Variants in GPR26 observed in about 807,000 individuals in gnomAD.
The protein encoded by GPR26 is G protein-coupled receptor 26.
GPR26 carries 15 observed loss-of-function variants against 23.1 expected under a neutral mutation model. The ratio of observed to expected loss-of-function variants is 0.65; its 90% confidence interval spans 0.43 to 1.00. GPR26 has a LOEUF of 1.00. GPR26 is among the 50% of genes least tolerant of loss of function. GPR26 has a pLI of 0.00. For missense variants in GPR26, 359 were observed against 470.5 expected, an observed-to-expected ratio of 0.76 and a Z score of 2.19; for synonymous variants, 228 against 222.1, an observed-to-expected ratio of 1.03 and a Z score of -0.24.
intron 2 of GPR26, among the ~76,000 whole-genome samples, chr10:123,680,090 A>G (rs1845352965): frequency 6.6e-6 from 1 of 152,192 alleles, no homozygotes; most frequent in South Asian, 2.1e-4. Flanking sequence ...CCAGGTGCTC[A>G]GTGGTGGTGG....
intron 1 of GPR26, among the ~76,000 whole-genome samples, chr10:123,668,088 G>A (rs960622407): frequency 6.6e-6 from 1 of 152,156 alleles, no homozygotes; most frequent in Admixed American, 6.5e-5. Flanking sequence ...GAGGCAGGCA[G>A]AGAGCTCTGA....
chr10:123,695,869 G>A lies in GPR26; in HGVS notation c.*7709G>A, dbSNP rs1845538660. On this transcript the variant is annotated 3_prime_UTR_variant, in exon 3 of 3. Coordinates refer to ENST00000284674, the MANE Select transcript of GPR26 (RefSeq NM_153442.4). ...ACATGTAAATACAACCTCTTTTGGA[G>A]TGCAGAAACATTTGCGGAGTCTGGT... 6.6e-6 allele frequency among the ~76,000 whole-genome samples: 1 copy of A among 152,192 alleles called. No individual in the cohort carries two copies. The highest frequency in any genetic ancestry group is 1.9e-4 in the East Asian group (1 of 5,200).
In GPR26 at chr10:123,695,143, A is replaced by G. The variant is rs757519923; in HGVS notation, c.*6983A>G. Reference sequence around the variant, plus strand: ...TGCCCGTACAGTGTGTCATGTAAATAGCATCTAGCATTTAAAGGTCAAATT... The same window carrying G: ...TGCCCGTACAGTGTGTCATGTAAATGGCATCTAGCATTTAAAGGTCAAATT... On this transcript the variant is annotated 3_prime_UTR_variant, in exon 3 of 3. Coordinates refer to ENST00000284674, the MANE Select transcript of GPR26 (RefSeq NM_153442.4). 3.3e-5 allele frequency among the ~76,000 whole-genome samples: 5 copies of G among 152,262 alleles called. No homozygotes were observed. The highest frequency in any genetic ancestry group is 7.3e-5 in the Non-Finnish European group (5 of 68,046).
At position 123,689,000 on chromosome 10, in the gene GPR26, C is replaced by T. The variant is rs1473038955; in HGVS notation, c.*840C>T. ...GGTAGGAGGAAGGTGGCTGGTTGGT[C>T]CTCCCTTCCCCCTGTTTGTGACCTG... On this transcript the variant is annotated 3_prime_UTR_variant, in exon 3 of 3. Transcript: ENST00000284674. The T allele has an allele frequency of 6.6e-6, 1 of 152,144 alleles. No homozygotes were observed. The highest frequency in any genetic ancestry group is 1.5e-5 in the Non-Finnish European group (1 of 68,032). 9.4% of individuals were successfully genotyped at this position (152,144 alleles called of 1,614,324 possible). A position where few individuals can be genotyped will look rare whatever the true frequency, so the allele number is the denominator to read the frequency against.
Position 123,688,634 on chromosome 10 carries a change from C to CA in GPR26, c.*474_*475insA. ...ATTTGGCCCGGATCTAACATGGCAC[C>CA]TCGTCTCCACAGGGTAGTGGTGGCT... On this transcript the variant is annotated 3_prime_UTR_variant, in exon 3 of 3. Transcript: ENST00000284674. The CA allele has an allele frequency of 2.9e-5, 5 of 174,458 alleles. No homozygotes were observed. The highest frequency in any genetic ancestry group is 1.5e-4 in the South Asian group (1 of 6,882). 10.8% of individuals were successfully genotyped at this position (174,458 alleles called of 1,614,324 possible).
At chr10:123,669,291 G>A (rs1845224432) in intron 1 of GPR26, among the ~76,000 whole-genome samples, 1 of 152,194 alleles carries the variant, frequency 6.6e-6, no homozygotes, top group Non-Finnish European at 1.5e-5. Flanking sequence ...TTCTCTGAGG[G>A]GTTGATCCCC....
Position 123,666,789 on chromosome 10 carries a change from G to T in GPR26, c.382G>T (p.Ala128Ser). Residue 128 changes from alanine (A) to serine (S), a missense_variant, in exon 1 of 3, where the codon GCC (alanine) becomes TCC (serine). Physicochemically the swap from Ala to Ser is moderately conservative, Grantham distance 99. Coordinates refer to ENST00000284674, the MANE Select transcript of GPR26 (RefSeq NM_153442.4). ...MRLRDAALMV[A>S]YTWLHALTFP... ...CCTCCGCGACGCGGCGCTCATGGTG[G>T]CCTACACGTGGCTGCACGCGCTCAC... 6.2e-7 allele frequency: 1 copy of T among 1,606,368 alleles called. No individual in the cohort carries two copies.
intron 1 of GPR26, 50 bp downstream of exon 1, chr10:123,667,125 C>T (rs776118142): frequency 1.5e-6 from 2 of 1,359,226 alleles, no homozygotes; most frequent in Admixed American, 2.4e-5. Flanking sequence ...GGGATCTCGG[C>T]GGGAGTGGGA....
In GPR26 at chr10:123,674,799, T is replaced by A; in HGVS notation, c.669-19T>A. The A allele has an allele frequency of 1.9e-6, 3 of 1,564,818 alleles. No homozygotes were observed. Among genetic ancestry groups the A allele is most frequent in the Non-Finnish European group, 2.6e-6 (3 of 1,136,280 alleles). ...CAAGGGTGCCTCGTAGTTCACCTTC[T>A]CTCCTCTCTCACATGCAGTGTGCGG... is the stretch of plus-strand genomic sequence containing the variant. On this transcript the variant is annotated intron_variant, in intron 1 of 2. Transcript: ENST00000284674. The surrounding 1 kb of genome is among the most constrained non-coding windows in gnomAD (Gnocchi z 4.1).
Position 123,688,168 on chromosome 10 carries a change from C to T in GPR26, c.*8C>T, listed in dbSNP as rs377763766. The T allele has an allele frequency of 4.6e-6, 7 of 1,535,132 alleles. No individual in the cohort carries two copies. In the East Asian group the frequency reaches 7.0e-5, roughly 15 times the overall value. ...CTGCCGGTGTCTGAGTGAAGGACCG[C>T]GCTCCTGCTGAAGAGTTTAGAATGA... On this transcript the variant is annotated 3_prime_UTR_variant, in exon 3 of 3. Coordinates refer to ENST00000284674, the MANE Select transcript of GPR26 (RefSeq NM_153442.4).
chr10:123,682,509 G>T (rs1232722790), intron 2 of GPR26, among the ~76,000 whole-genome samples: 1 of 152,182 alleles, frequency 6.6e-6, no homozygotes, highest in Non-Finnish European at 1.5e-5. Flanking sequence ...GGTCACAGAG[G>T]ACTCTTCCCA....
chr10:123,671,780 T>C (rs1482064059), intron 1 of GPR26, among the ~76,000 whole-genome samples: 1 of 152,192 alleles, frequency 6.6e-6, no homozygotes, highest in Non-Finnish European at 1.5e-5. Context: ...CCTGACTCTG[T>C]CCTGAATTCT....
chr10:123,678,300 C>T (rs1379460393), intron 2 of GPR26, among the ~76,000 whole-genome samples: 1 of 152,148 alleles, frequency 6.6e-6, no homozygotes, highest in Non-Finnish European at 1.5e-5. Context: ...CTTCTCCCCA[C>T]CCCTCCTCCT....
rs558201825 is a variant in GPR26, at chr10:123,694,421, G to A, written c.*6261G>A. 1 of 152,470 alleles carries A rather than the reference G, an allele frequency of 6.6e-6. No homozygotes were observed. Among genetic ancestry groups the A allele is most frequent in the Admixed American group, 6.5e-5 (1 of 15,274 alleles). The allele number at this position is 152,470 out of a possible 1,614,324, so 9.4% of individuals were successfully genotyped here. On this transcript the variant is annotated 3_prime_UTR_variant, in exon 3 of 3. Transcript: ENST00000284674. ...CGTGATGATGATCTGTGGCCAGTGGGAGATGATAGAAGTCTTGAGGTTGGG... is the reference window on the plus strand; with the variant it reads ...CGTGATGATGATCTGTGGCCAGTGGAAGATGATAGAAGTCTTGAGGTTGGG...
intron 2 of GPR26, among the ~76,000 whole-genome samples, chr10:123,676,840 G>A (rs1251420602): frequency 6.6e-6 from 1 of 152,234 alleles, no homozygotes; most frequent in Non-Finnish European, 1.5e-5. Flanking sequence ...AGAAAGGAGT[G>A]CAGTGTTGTG....
intron 2 of GPR26, among the ~76,000 whole-genome samples, chr10:123,677,146 T>C (rs1845320030): frequency 6.6e-6 from 1 of 151,638 alleles, no homozygotes; most frequent in Non-Finnish European, 1.5e-5. Context: ...TGGACTTTTC[T>C]CTGGCTTAAT....
In GPR26 at chr10:123,688,289, G is replaced by A; in HGVS notation, c.*129G>A. On this transcript the variant is annotated 3_prime_UTR_variant, in exon 3 of 3. Coordinates refer to ENST00000284674, the MANE Select transcript of GPR26 (RefSeq NM_153442.4). Reference sequence around the variant, plus strand: ...GCATGCCCAGTGATCCTGGTTCCCTGGCTTGTAGGGGCTCCAGAGCCTGCT... The same window carrying A: ...GCATGCCCAGTGATCCTGGTTCCCTAGCTTGTAGGGGCTCCAGAGCCTGCT... The A allele has an allele frequency of 1.5e-6, 1 of 647,632 alleles. No homozygotes were observed. Among genetic ancestry groups the A allele is most frequent in the Non-Finnish European group, 2.7e-6 (1 of 366,720 alleles). The allele number at this position is 647,632 out of a possible 1,614,324, so 40.1% of individuals were successfully genotyped here.
rs1212744927 is a variant in GPR26 at position 123,694,743 on chromosome 10, G to A, written c.*6583G>A. The A allele has an allele frequency of 6.6e-6, 1 of 152,590 alleles. No individual in the cohort carries two copies. The highest frequency in any genetic ancestry group is 2.4e-5 in the African/African-American group (1 of 41,062). The allele number at this position is 152,590 out of a possible 1,614,324, so 9.5% of individuals were successfully genotyped here. The stretch of plus-strand genomic sequence containing the variant: ...CTAGCCACTTCTTTCTCCTGATGCA[G>A]ATTCCCTAGGAAGTTGAACGAAGAA... On this transcript the variant is annotated 3_prime_UTR_variant, in exon 3 of 3. Transcript: ENST00000284674.
chr10:123,685,386 A>T (rs1845420754), intron 2 of GPR26, among the ~76,000 whole-genome samples: 1 of 152,212 alleles, frequency 6.6e-6, no homozygotes, highest in African/African-American at 2.4e-5. Flanking sequence ...GGGCTGTCAG[A>T]GCTAGTGTGG....
Sources: allele counts gnomAD v4.1 joint callset (sites outside exome capture counted in the v4.1 genomes callset), GRCh38; gene constraint gnomAD v4.1.1; non-coding constraint Gnocchi (gnomAD v3.1); transcripts MANE v1.5; gene names NCBI Gene and HGNC (gene_info 2026-07-23, HGNC 2026-07-21).